The following TRAM1 variants were observed in gnomAD, a reference collection of about 807,000 sequenced individuals.
TRAM1 encodes translocating chain-associated membrane protein 1.
Under a neutral mutation model 48.7 loss-of-function variants are expected in TRAM1, and 17 were observed. That is an observed-to-expected ratio of 0.35 (90% CI 0.24 to 0.52). The LOEUF is 0.52. TRAM1 is among the 20% of genes least tolerant of loss of function. The probability of loss-of-function intolerance (pLI) is 0.94; values close to 1 mark genes in which losing one functional copy is unlikely to be tolerated. For missense variants in TRAM1, 351 were observed against 441.5 expected (o/e 0.79, Z 1.84); for synonymous variants, 182 against 154.0 (o/e 1.18, Z -1.34).
At chr8:70,594,757 T>C (rs970484958) in intron 5 of TRAM1, among the ~76,000 whole-genome samples, 167 bp from the exon 6 acceptor site, 1 of 152,142 alleles carries the variant, frequency 6.6e-6, no homozygotes, top group Non-Finnish European at 1.5e-5. Context: ...TTTCCCCATC[T>C]CCCTGTGACA....
chr8:70,584,283 T>G (rs895699995), intron 8 of TRAM1, among the ~76,000 whole-genome samples: 14 of 152,170 alleles, frequency 9.2e-5, no homozygotes, highest in African/African-American at 3.4e-4. Context: ...CAGAATAATT[T>G]TGGAAAATGC....
intron 10 of TRAM1, among the ~76,000 whole-genome samples, chr8:70,576,582 T>C (rs901892255): frequency 2.6e-5 from 4 of 152,232 alleles, no homozygotes; most frequent in African/African-American, 7.2e-5. Flanking sequence ...ATCTTTTTTT[T>C]CTTCTGAGAC....
intron 2 of TRAM1, among the ~76,000 whole-genome samples, chr8:70,598,974 C>T (rs1817546994): frequency 6.6e-6 from 1 of 152,078 alleles, no homozygotes; most frequent in Admixed American, 6.5e-5. Context: ...TGAACAAAAA[C>T]CCAACTCAGG....
intron 7 of TRAM1, 37 bp from the exon 8 acceptor site, chr8:70,587,036 TATCA>T: frequency 6.2e-7 from 1 of 1,611,372 alleles, no homozygotes; most frequent in East Asian, 2.2e-5. Context: ...GAATATTAAT[TATCA>T]ATTAAGACAG....
chr8:70,595,278 A>G (rs993418298), intron 5 of TRAM1, among the ~76,000 whole-genome samples: 2 of 151,990 alleles, frequency 1.3e-5, no homozygotes, highest in Non-Finnish European at 2.9e-5. Flanking sequence ...AGTCTAAAAT[A>G]GAAAACACAA....
chr8:70,605,727 C>T (rs780861128), intron 1 of TRAM1, among the ~76,000 whole-genome samples: 2 of 152,142 alleles, frequency 1.3e-5, no homozygotes, highest in African/African-American at 2.4e-5. Flanking sequence ...AGGAAGAACT[C>T]GCACAAACTT....
intron 4 of TRAM1, among the ~76,000 whole-genome samples, chr8:70,597,431 G>A (rs2132040752): frequency 6.6e-6 from 1 of 152,118 alleles, no homozygotes; most frequent in South Asian, 2.1e-4. Flanking sequence ...CAGCACTTTG[G>A]GAGGCCGAGG....
chr8:70,598,210 T>C lies in TRAM1; in HGVS notation c.233A>G (p.Lys78Arg), dbSNP rs1210537597. The stretch of plus-strand genomic sequence containing the variant: ...GTAGAAGAAAACAGTAGCCAAATCT[T>C]TGATGCCATAGTAATAAAGGGACAC... ...ESVSLYYYGI[K>R]DLATVFFYML... Residue 78 changes from lysine to arginine, a missense_variant, in exon 3 of 11, where the codon AAA (lysine) becomes AGA (arginine). Coordinates refer to ENST00000262213, the MANE Select transcript of TRAM1 (RefSeq NM_014294.6). 1.9e-6 allele frequency: 3 copies of C among 1,613,056 alleles called. No individual in the cohort carries two copies. Among genetic ancestry groups the C allele is most frequent in the African/African-American group, 1.3e-5 (1 of 74,872 alleles).
At chr8:70,606,247 C>G (rs1369632228) in intron 1 of TRAM1, among the ~76,000 whole-genome samples, 2 of 152,162 alleles carry the variant, frequency 1.3e-5, no homozygotes, top group Non-Finnish European at 2.9e-5. Flanking sequence ...GGCTGGAGTG[C>G]AGTGGTGAAA....
chr8:70,606,021 G>A lies in TRAM1; in HGVS notation c.123+2056C>T, dbSNP rs1241047362. Among the ~76,000 whole-genome samples, 5 of 152,246 alleles carry A rather than the reference G, an allele frequency of 3.3e-5. No homozygotes were observed. The East Asian group carries it at 9.6e-4, about 29-fold the overall frequency. On this transcript the variant is annotated intron_variant, in intron 1 of 10. Coordinates refer to ENST00000262213, the MANE Select transcript of TRAM1 (RefSeq NM_014294.6). Reference sequence around the variant, plus strand: ...AAAGCACTGCAAATATACCTTGCAGGTCACAGTACCCCTAAAATATGTTTT... The same window carrying A: ...AAAGCACTGCAAATATACCTTGCAGATCACAGTACCCCTAAAATATGTTTT...
At chr8:70,575,990 G>C (rs1320251574) in intron 10 of TRAM1, among the ~76,000 whole-genome samples, 1 of 149,016 alleles carries the variant, frequency 6.7e-6, no homozygotes, top group Non-Finnish European at 1.5e-5. Context: ...AGAATCACTT[G>C]AGCCCGGGAG....
chr8:70,578,517 C>T (rs1257484713), intron 10 of TRAM1, among the ~76,000 whole-genome samples: 1 of 152,176 alleles, frequency 6.6e-6, no homozygotes, highest in African/African-American at 2.4e-5. Flanking sequence ...CTTGTAGCCC[C>T]AGCTACTCAG....
intron 5 of TRAM1, among the ~76,000 whole-genome samples, chr8:70,594,866 C>A (rs1817453503): frequency 6.6e-6 from 1 of 152,050 alleles, no homozygotes; most frequent in African/African-American, 2.4e-5. Flanking sequence ...AGTCAGAGCC[C>A]CTATTAGTTC....
chr8:70,586,870 G>C (rs781580368), intron 8 of TRAM1, 25 bp downstream of exon 8: 2 of 1,593,082 alleles, frequency 1.3e-6, no homozygotes, highest in Admixed American at 1.7e-5. Context: ...TAGTACACGA[G>C]AAATAGAATG....
At chr8:70,587,078 T>C in intron 7 of TRAM1, 28 bp downstream of exon 7, 1 of 1,613,356 alleles carries the variant, frequency 6.2e-7, no homozygotes, top group Non-Finnish European at 8.5e-7. Context: ...CCAGCCTACT[T>C]ACACACCCAT....
chr8:70,577,609 G>A (rs1816985895), intron 10 of TRAM1, among the ~76,000 whole-genome samples: 1 of 152,158 alleles, frequency 6.6e-6, no homozygotes, highest in Non-Finnish European at 1.5e-5. Context: ...ATTCTTCCTG[G>A]ATGCAGGACA....
At chr8:70,603,034 A>G (rs775753073) in intron 1 of TRAM1, among the ~76,000 whole-genome samples, 1 of 152,126 alleles carries the variant, frequency 6.6e-6, no homozygotes, top group Non-Finnish European at 1.5e-5. Flanking sequence ...CAGTAAAGTG[A>G]GTTGCCGAAC....
In TRAM1 at chr8:70,573,737, A is replaced by G. The variant is rs1816872847; in HGVS notation, c.*1195T>C. On this transcript the variant is annotated 3_prime_UTR_variant, in exon 11 of 11. Transcript: ENST00000262213. ...ATGTGAACACTGAAAAGAACAATAT[A>G]TATACTGTAAATATGATGAATAAAC... The G allele has an allele frequency of 6.6e-6, 1 of 152,578 alleles. No individual in the cohort carries two copies. Among genetic ancestry groups the G allele is most frequent in the African/African-American group, 2.4e-5 (1 of 41,460 alleles). The allele number at this position is 152,578 out of a possible 1,614,324, so 9.5% of individuals were successfully genotyped here. A position where few individuals can be genotyped will look rare whatever the true frequency, so the allele number is the denominator to read the frequency against.
chr8:70,598,838 T>C (rs1227322124), intron 2 of TRAM1, among the ~76,000 whole-genome samples: 1 of 152,256 alleles, frequency 6.6e-6, no homozygotes, highest in African/African-American at 2.4e-5. Flanking sequence ...TTTATGTTTA[T>C]GGGGAACATA....
Sources: gnomAD v4.1 joint callset for allele counts (sites outside exome capture counted in the v4.1 genomes callset) on GRCh38, gnomAD v4.1.1 for gene constraint, MANE v1.5 for transcripts, NCBI Gene and HGNC (gene_info 2026-07-23, HGNC 2026-07-21) for gene names.